TBC1D7: variants seen among roughly 807,000 people sequenced by gnomAD.
The protein encoded by TBC1D7 is TBC domain family 7.
In TBC1D7, 33 loss-of-function variants were observed where a neutral mutation model predicts 35.3. That is an observed-to-expected ratio of 0.93 (90% CI 0.71 to 1.25). TBC1D7 has a LOEUF of 1.25. Among genes scored for constraint, TBC1D7 ranks in the 50% most tolerant of loss-of-function variants. The pLI, the probability that TBC1D7 is intolerant of heterozygous loss-of-function variation, is 0.00. For synonymous variants in TBC1D7, 135 were observed against 129.5 expected, an observed-to-expected ratio of 1.04 and a Z score of -0.29; for missense variants, 362 against 365.3, an observed-to-expected ratio of 0.99 and a Z score of 0.07.
chr6:13,316,865 G>A (rs1783668357), intron 4 of TBC1D7, among the ~76,000 whole-genome samples, 157 bp from the exon 5 acceptor site: 1 of 152,184 alleles, frequency 6.6e-6, no homozygotes, highest in Admixed American at 6.5e-5. Context: ...CCTGAAGAGG[G>A]GAGCAAGGGG....
At position 13,323,651 on chromosome 6, in the gene TBC1D7, A is replaced by G. The variant is rs193201470; in HGVS notation, c.193+1443T>C. The G allele has an allele frequency of 2.0e-3, 300 of 152,384 alleles. 1 individual carries two copies. The highest frequency in any genetic ancestry group is 6.9e-3 in the African/African-American group (286 of 41,578). 9.4% of individuals were successfully genotyped at this position (152,384 alleles called of 1,614,324 possible). The stretch of plus-strand genomic sequence containing the variant: ...GTAACTGCACGTTGACCTACCAGAC[A>G]TAAAAGTGCACAGAGACTGCCAGGA... On this transcript the variant is annotated intron_variant, in intron 3 of 7. Coordinates refer to ENST00000379300, the MANE Select transcript of TBC1D7 (RefSeq NM_016495.6).
Position 13,324,418 on chromosome 6 carries a change from G to A in TBC1D7, c.193+676C>T, listed in dbSNP as rs146868043. Among the ~76,000 whole-genome samples the A allele has an allele frequency of 8.1e-4, 124 of 152,226 alleles. 1 individual carries two copies. Among genetic ancestry groups the A allele is most frequent in the African/African-American group, 2.4e-3 (101 of 41,536 alleles). ...GCTGGGATTCCAGGTGTGAGCCACC[G>A]CGCCCAGCCAAAAATACTTTTTTTA... On this transcript the variant is annotated intron_variant, in intron 3 of 7. Coordinates refer to ENST00000379300, the MANE Select transcript of TBC1D7 (RefSeq NM_016495.6).
At chr6:13,309,752 TAC>T (rs1783063262) in intron 5 of TBC1D7, among the ~76,000 whole-genome samples, 1 of 152,212 alleles carries the variant, frequency 6.6e-6, no homozygotes, top group African/African-American at 2.4e-5. Flanking sequence ...TCATACTGAA[TAC>T]ACGATTTAGT....
At chr6:13,317,193 T>C (rs183908900) in intron 4 of TBC1D7, among the ~76,000 whole-genome samples, 4 of 152,352 alleles carry the variant, frequency 2.6e-5, no homozygotes, top group East Asian at 1.9e-4. Context: ...CTTCAGAATT[T>C]TGTTCTATCT....
intron 5 of TBC1D7, among the ~76,000 whole-genome samples, chr6:13,312,201 G>GT (rs1783265070): frequency 5.3e-5 from 8 of 152,152 alleles, no homozygotes; most frequent in Admixed American, 5.2e-4. Flanking sequence ...AGCACTGCCT[G>GT]ACATGAAGTA....
At chr6:13,312,788 G>T (rs1353616220) in intron 5 of TBC1D7, among the ~76,000 whole-genome samples, 9 of 118,642 alleles carry the variant, frequency 7.6e-5, no homozygotes, top group African/African-American at 3.5e-4. Flanking sequence ...ACACAAAAAA[G>T]CAAAAAAAAA....
chr6:13,315,669 A>C (rs1783554061), intron 5 of TBC1D7, among the ~76,000 whole-genome samples: 1 of 152,226 alleles, frequency 6.6e-6, no homozygotes, highest in Admixed American at 6.5e-5. Flanking sequence ...GTGAGCCGAG[A>C]CCATGCCATT....
chr6:13,321,200 G>T, intron 3 of TBC1D7, 105 bp from the exon 4 acceptor site: 1 of 912,020 alleles, frequency 1.1e-6, no homozygotes, highest in Non-Finnish European at 1.7e-6. Flanking sequence ...ACACAATTAG[G>T]CTAGAATTCA....
chr6:13,316,266 TATAG>T (rs1410771798), intron 5 of TBC1D7, among the ~76,000 whole-genome samples: 15 of 152,204 alleles, frequency 9.9e-5, no homozygotes. Flanking sequence ...TAAGGAATAC[TATAG>T]AGCAGGACTG....
At chr6:13,315,424 A>C (rs1294561795) in intron 5 of TBC1D7, among the ~76,000 whole-genome samples, 2 of 152,196 alleles carry the variant, frequency 1.3e-5, no homozygotes, top group Non-Finnish European at 2.9e-5. Context: ...CATATAACAA[A>C]ATATGTGGCT....
In TBC1D7 at chr6:13,316,223, G is replaced by A. The variant is rs1004551808; in HGVS notation, c.519+348C>T. On this transcript the variant is annotated intron_variant, in intron 5 of 7. Transcript: ENST00000379300. ...ATGAAAACCTTAACTTACACAGAGG[G>A]ATTACTCTAGACCAGCGGATTCTAG... Among the ~76,000 whole-genome samples the A allele has an allele frequency of 5.9e-5, 9 of 152,302 alleles. No individual in the cohort carries two copies. In the South Asian group the frequency reaches 1.7e-3, roughly 28 times the overall value.
At position 13,306,525 on chromosome 6, in the gene TBC1D7, AC is replaced by A; in HGVS notation, c.667del (p.Val223PhefsTer6). On this transcript the variant is annotated frameshift_variant and splice_region_variant, in exon 7 of 8. Coordinates refer to ENST00000379300, the MANE Select transcript of TBC1D7 (RefSeq NM_016495.6). LOFTEE classifies it high-confidence loss of function. ...GCLPESSLQR[V>X]WDKVVSGSCK... The stretch of plus-strand genomic sequence containing the variant: ...GGATCCACTCACAACTTTATCCCAA[AC>A]CCTACAAAAATAAGGAGATATAATC... 6.3e-7 allele frequency: 1 copy of A among 1,586,370 alleles called. No individual in the cohort carries two copies. Among genetic ancestry groups the A allele is most frequent in the Non-Finnish European group, 8.5e-7 (1 of 1,169,786 alleles).
chr6:13,319,873 G>C (rs1360033101), intron 4 of TBC1D7: 1 of 152,182 alleles, frequency 6.6e-6, no homozygotes, highest in Non-Finnish European at 1.5e-5. Flanking sequence ...AAGAGAAATA[G>C]CAATTACAAA....
chr6:13,317,858 C>A (rs1211119807), intron 4 of TBC1D7, among the ~76,000 whole-genome samples: 1 of 152,170 alleles, frequency 6.6e-6, no homozygotes, highest in Non-Finnish European at 1.5e-5. Context: ...GCAGAGTGGG[C>A]GCTAAGTAGG....
chr6:13,319,105 A>G (rs929192824), intron 4 of TBC1D7: 3 of 152,254 alleles, frequency 2.0e-5, no homozygotes, highest in Non-Finnish European at 4.4e-5. Context: ...ACCCAAATTG[A>G]GAAATGCTCT....
chr6:13,320,839 G>T, intron 4 of TBC1D7, 69 bp downstream of exon 4: 1 of 1,492,828 alleles, frequency 6.7e-7, no homozygotes, highest in Non-Finnish European at 9.3e-7. Context: ...AAAACATGAT[G>T]TAATCAAAGG....
chr6:13,310,776 G>A (rs992927336), intron 5 of TBC1D7, among the ~76,000 whole-genome samples: 8 of 152,044 alleles, frequency 5.3e-5, no homozygotes, highest in Admixed American at 2.6e-4. Context: ...GAGCAAGATG[G>A]GAAGAATGTG....
At chr6:13,307,106 CTGTGTAT>C in intron 6 of TBC1D7, 1 of 155,234 alleles carries the variant, frequency 6.4e-6, no homozygotes, top group Non-Finnish European at 1.4e-5. Flanking sequence ...ATAATGTTCT[CTGTGTAT>C]TGCACTGTTC....
In TBC1D7 at chr6:13,325,078, C is replaced by G. The variant is rs778594442; in HGVS notation, c.193+16G>C. 27 of 1,577,000 alleles carry G rather than the reference C, an allele frequency of 1.7e-5. No individual in the cohort carries two copies. Among genetic ancestry groups the G allele is most frequent in the Non-Finnish European group, 2.3e-5 (26 of 1,154,940 alleles). ...ATATTTTTTAAGATAAATCTTCCAA[C>G]TCCTGGGTCTCATACCTAGAAGCAC... On this transcript the variant is annotated intron_variant, in intron 3 of 7. Coordinates refer to ENST00000379300, the MANE Select transcript of TBC1D7 (RefSeq NM_016495.6).
Sources: gnomAD v4.1 joint callset for allele counts (sites outside exome capture counted in the v4.1 genomes callset) on GRCh38, gnomAD v4.1.1 for gene constraint, MANE v1.5 for transcripts, NCBI Gene and HGNC (gene_info 2026-07-23, HGNC 2026-07-21) for gene names.